Variants in ST3GAL3 observed in about 807,000 individuals in gnomAD.
ST3GAL3 encodes ST3 beta-galactoside alpha-2,3-sialyltransferase 3.
In ST3GAL3, 21 loss-of-function variants were observed where a neutral mutation model predicts 50.1. The observed-to-expected ratio is 0.42, with a 90% CI of 0.30 to 0.60. The LOEUF (loss-of-function observed/expected upper bound fraction) is 0.60. Among genes scored for constraint, ST3GAL3 ranks in the 20% least tolerant of loss-of-function variants. The pLI, the probability that ST3GAL3 is intolerant of heterozygous loss-of-function variation, is 0.19. For synonymous variants in ST3GAL3, 183 were observed against 190.0 expected, an observed-to-expected ratio of 0.96 and a Z score of 0.30; for missense variants, 353 against 489.4, an observed-to-expected ratio of 0.72 and a Z score of 2.63.
In ST3GAL3 at chr1:43,804,883, G is replaced by A. The variant is rs574360947; in HGVS notation, c.167-10008G>A. Among the ~76,000 whole-genome samples the A allele has an allele frequency of 6.6e-5, 10 of 152,266 alleles. No homozygotes were observed. The East Asian group carries it at 1.7e-3, about 26-fold the overall frequency. On this transcript the variant is annotated intron_variant, in intron 3 of 11. Coordinates refer to ENST00000347631, the MANE Select transcript of ST3GAL3 (RefSeq NM_006279.5). ...CTACCACCAGCACTGCCCCCTCACT[G>A]CAAGGGGTGGAGGAAGACAAAGACT... is the stretch of plus-strand genomic sequence containing the variant.
chr1:43,733,448 G>T (rs980086143), intron 1 of ST3GAL3, among the ~76,000 whole-genome samples: 2 of 152,192 alleles, frequency 1.3e-5, no homozygotes, highest in Non-Finnish European at 2.9e-5. Flanking sequence ...CATGCTTAGC[G>T]TAGAGTAAAT....
At chr1:43,722,232 C>T (rs533217843) in intron 1 of ST3GAL3, among the ~76,000 whole-genome samples, 1 of 152,158 alleles carries the variant, frequency 6.6e-6, no homozygotes, top group East Asian at 1.9e-4. Flanking sequence ...GTGGTGGGGT[C>T]AGGAGGGCTT....
intron 2 of ST3GAL3, among the ~76,000 whole-genome samples, chr1:43,779,401 C>T (rs1698592910): frequency 6.6e-6 from 1 of 152,216 alleles, no homozygotes. Flanking sequence ...TGAAGTTATA[C>T]ATGTGCATAG....
chr1:43,921,695 A>G (rs1255340717), intron 11 of ST3GAL3: 9 of 398,466 alleles, frequency 2.3e-5, no homozygotes, highest in South Asian at 2.5e-4. Flanking sequence ...CTTCTTATCT[A>G]TCCTTCTCCA....
At chr1:43,778,528 A>C (rs1698127877) in intron 2 of ST3GAL3, among the ~76,000 whole-genome samples, 1 of 152,184 alleles carries the variant, frequency 6.6e-6, no homozygotes, top group African/African-American at 2.4e-5. Flanking sequence ...TTCTAGATTA[A>C]TTCTTTTCAA....
chr1:43,881,325 A>G (rs753135713), intron 5 of ST3GAL3, among the ~76,000 whole-genome samples: 2 of 152,196 alleles, frequency 1.3e-5, no homozygotes, highest in Non-Finnish European at 2.9e-5. Context: ...AGCTTTTTAT[A>G]TTCCCAATGA....
intron 9 of ST3GAL3, among the ~76,000 whole-genome samples, chr1:43,900,041 T>C (rs539665286): frequency 3.8e-4 from 58 of 151,186 alleles, no homozygotes; most frequent in Non-Finnish European, 4.4e-4. Context: ...GCCTTAGATC[T>C]CCTGGCCAAG....
At chr1:43,784,338 G>A (rs945911720) in intron 2 of ST3GAL3, among the ~76,000 whole-genome samples, 8 of 152,002 alleles carry the variant, frequency 5.3e-5, no homozygotes, top group Admixed American at 3.3e-4. Context: ...GTGAAACCCC[G>A]TCTGTACTAA....
chr1:43,853,712 G>A (rs546490157), intron 5 of ST3GAL3, among the ~76,000 whole-genome samples: 3 of 152,332 alleles, frequency 2.0e-5, no homozygotes, highest in Admixed American at 2.0e-4. Context: ...GCTGGGGTGT[G>A]TGGTGTGTAT....
At chr1:43,796,282 C>T (rs1054509314) in intron 3 of ST3GAL3, among the ~76,000 whole-genome samples, 1 of 152,194 alleles carries the variant, frequency 6.6e-6, no homozygotes, top group African/African-American at 2.4e-5. Context: ...GTAATTAAAG[C>T]CCCAGCTTTC....
At chr1:43,785,755 T>G (rs2057240763) in intron 2 of ST3GAL3, among the ~76,000 whole-genome samples, 2 of 152,104 alleles carry the variant, frequency 1.3e-5, no homozygotes, top group Admixed American at 1.3e-4. Flanking sequence ...TGTCTGTACT[T>G]CCCAATTTAA....
chr1:43,835,004 T>C (rs926054762), intron 4 of ST3GAL3, among the ~76,000 whole-genome samples: 9 of 152,180 alleles, frequency 5.9e-5, no homozygotes, highest in Non-Finnish European at 8.8e-5. Context: ...GGTTCCTTCT[T>C]TGGGGCTCCA....
chr1:43,882,187 G>C (rs1170915122), intron 5 of ST3GAL3, among the ~76,000 whole-genome samples: 2 of 152,232 alleles, frequency 1.3e-5, no homozygotes, highest in African/African-American at 4.8e-5. Context: ...CTGCAGTCCA[G>C]TCTTGAGGAA....
At chr1:43,864,692 C>T (rs1335467315) in intron 5 of ST3GAL3, among the ~76,000 whole-genome samples, 3 of 152,030 alleles carry the variant, frequency 2.0e-5, no homozygotes, top group Non-Finnish European at 2.9e-5. Flanking sequence ...GGAGGTGGGA[C>T]TGAGGAAGGT....
At chr1:43,722,127 A>G (rs1308359547) in intron 1 of ST3GAL3, among the ~76,000 whole-genome samples, 3 of 152,220 alleles carry the variant, frequency 2.0e-5, no homozygotes, top group Non-Finnish European at 4.4e-5. Flanking sequence ...TATGACAGGG[A>G]AACCTAACCT....
At chr1:43,916,161 G>T (rs1169240811) in intron 9 of ST3GAL3, among the ~76,000 whole-genome samples, 1 of 152,182 alleles carries the variant, frequency 6.6e-6, no homozygotes, top group Non-Finnish European at 1.5e-5. Context: ...TAAGTGAATA[G>T]AATTGTACAA....
rs761630233 is a variant in ST3GAL3 at position 43,930,278 on chromosome 1, C to G, written c.*57C>G. 8.5e-6 allele frequency: 13 copies of G among 1,528,054 alleles called. No individual in the cohort carries two copies. The highest frequency in any genetic ancestry group is 9.9e-6 in the Non-Finnish European group (11 of 1,105,828). 94.7% of individuals were successfully genotyped at this position (1,528,054 alleles called of 1,614,324 possible). On this transcript the variant is annotated 3_prime_UTR_variant, in exon 12 of 12. Transcript: ENST00000347631. ...GCACCACCAGGAGCAGCAGCCAGCA[C>G]CACCTACACAGGAGTCTTCAGACCC...
At chr1:43,735,757 C>T (rs1305985909) in intron 1 of ST3GAL3, among the ~76,000 whole-genome samples, 1 of 152,188 alleles carries the variant, frequency 6.6e-6, no homozygotes, top group Non-Finnish European at 1.5e-5. Flanking sequence ...TGACACTTTG[C>T]CACAGCAGCA....
Position 43,807,368 on chromosome 1 carries a change from A to G in ST3GAL3, c.167-7523A>G, listed in dbSNP as rs2060015669. 2.0e-5 allele frequency among the ~76,000 whole-genome samples: 3 copies of G among 152,074 alleles called. No homozygotes were observed. In the South Asian group the frequency reaches 6.2e-4, roughly 31 times the overall value. On this transcript the variant is annotated intron_variant, in intron 3 of 11. Transcript: ENST00000347631. The stretch of plus-strand genomic sequence containing the variant: ...GGGGCAGAGGTTGCAGTGAGCCGAG[A>G]TCGTGCCACTGCACTCCAGCCTGGC...
Sources: allele counts gnomAD v4.1 joint callset (sites outside exome capture counted in the v4.1 genomes callset), GRCh38; gene constraint gnomAD v4.1.1; transcripts MANE v1.5; gene names NCBI Gene and HGNC (gene_info 2026-07-23, HGNC 2026-07-21).